TCEAL4: variants seen among roughly 807,000 people sequenced by gnomAD.
TCEAL4 encodes the protein transcription elongation factor A protein-like 4.
Under a neutral mutation model 1.3 loss-of-function variants are expected in TCEAL4, and 1 was observed. That is an observed-to-expected ratio of 0.79 (90% CI 0.28 to 3.76). The LOEUF is 3.76. TCEAL4 is among the 30% of genes most tolerant of loss of function. The pLI is 0.18. For missense variants in TCEAL4, 129 were observed against 154.7 expected, an observed-to-expected ratio of 0.83 and a Z score of 0.88; for synonymous variants, 54 against 50.7, an observed-to-expected ratio of 1.06 and a Z score of -0.28.
At position 103,586,265 on chromosome X, in the gene TCEAL4, G is replaced by A. The variant is rs2073545497; in HGVS notation, c.-54G>A. On this transcript the variant is annotated 5_prime_UTR_variant, in exon 2 of 3. Coordinates refer to ENST00000472484, the MANE Select transcript of TCEAL4 (RefSeq NM_001006935.3). ...AGCGCTCTGCGAAGCCTGAAAAGGA[G>A]GAGCAACCTGTCCAGAATCCCCGCA... 5 of 1,165,415 alleles carry A rather than the reference G, an allele frequency of 4.3e-6. No individual in the cohort carries two copies. In the South Asian group the frequency reaches 9.5e-5, roughly 22 times the overall value.
chrX:103,577,173 A>AG lies in TCEAL4; in HGVS notation c.144dup (p.Arg49AlafsTer9), dbSNP rs1471586847. On this transcript the variant is annotated frameshift_variant, in exon 2 of 5. Transcript: ENST00000372629. LOFTEE classifies it high-confidence loss of function. ...TGGAAAGGTCACATATCATATGTGGAGCGGGACATAACAACTTCGGAAATT... is the reference window on the plus strand; with the variant it reads ...TGGAAAGGTCACATATCATATGTGGAGGCGGGACATAACAACTTCGGAAATT... 2.3e-5 allele frequency: 27 copies of AG among 1,165,552 alleles called. No individual in the cohort carries two copies. The highest frequency in any genetic ancestry group is 4.6e-4 in the Middle Eastern group (2 of 4,327).
chrX:103,577,648 A>G (rs754314194), intron 2 of TCEAL4, among the ~76,000 whole-genome samples: 3 of 111,872 alleles, frequency 2.7e-5, no homozygotes, highest in Admixed American at 9.5e-5. Flanking sequence ...TGATCCATTA[A>G]TTCAAGTTCT....
chrX:103,584,588 G>A (rs2073525788), upstream of TCEAL4, among the ~76,000 whole-genome samples: 3 of 112,053 alleles, frequency 2.7e-5, no homozygotes, highest in South Asian at 1.1e-3. Flanking sequence ...GACTATAAAG[G>A]CCTTCCACAC....
upstream of TCEAL4, chrX:103,585,448 G>A: frequency 9.3e-7 from 1 of 1,079,075 alleles, no homozygotes; most frequent in Non-Finnish European, 1.2e-6. Flanking sequence ...TGGGTGGCTG[G>A]AAGCGGCTGG....
In TCEAL4 at chrX:103,587,329, C is replaced by A; in HGVS notation, c.*6C>A. The A allele has an allele frequency of 8.6e-7, 1 of 1,159,852 alleles. No individual in the cohort carries two copies. The highest frequency in any genetic ancestry group is 2.1e-5 in the South Asian group (1 of 48,163). On this transcript the variant is annotated 3_prime_UTR_variant, in exon 3 of 3. Coordinates refer to ENST00000472484, the MANE Select transcript of TCEAL4 (RefSeq NM_001006935.3). ...AAGACATTCCTTATGTGTAGTGTCC[C>A]TGGCAGGCATTTACCAGGCCATGTG...
At chrX:103,584,977 T>C (rs757790274), upstream of TCEAL4, among the ~76,000 whole-genome samples, 6 of 113,248 alleles carry the variant, frequency 5.3e-5, no homozygotes, top group Non-Finnish European at 1.9e-5. Context: ...CTTTGGCTTT[T>C]TGAGCTGCTT....
upstream of TCEAL4, among the ~76,000 whole-genome samples, chrX:103,583,661 C>A (rs2073518297): frequency 9.0e-6 from 1 of 111,508 alleles, no homozygotes; most frequent in African/African-American, 3.3e-5. Context: ...ATGATGAGAA[C>A]ACATGGACAC....
intron 1 of TCEAL4, 59 bp downstream of exon 1, chrX:103,585,683 G>A (rs2073534926): frequency 2.6e-6 from 3 of 1,162,333 alleles, no homozygotes; most frequent in Non-Finnish European, 3.4e-6. Flanking sequence ...AAGGGGAACG[G>A]GTACGGCAGG....
intron 2 of TCEAL4, among the ~76,000 whole-genome samples, chrX:103,578,375 C>T (rs1049132436): frequency 2.7e-5 from 3 of 111,836 alleles, no homozygotes; most frequent in African/African-American, 6.5e-5. Flanking sequence ...TGGATTGTTG[C>T]GTCATAAGGT....
upstream of TCEAL4, among the ~76,000 whole-genome samples, chrX:103,583,567 A>T (rs1242503403): frequency 8.9e-6 from 1 of 112,478 alleles, no homozygotes. Context: ...TTGCAGGCAC[A>T]TGGATGGAGC....
At chrX:103,577,038 C>T (rs2073486768) in intron 1 of TCEAL4, 3 of 1,135,838 alleles carry the variant, frequency 2.6e-6, no homozygotes, top group Non-Finnish European at 3.5e-6. Flanking sequence ...TTGACCTAAC[C>T]TCAAAAGTCA....
rs769211514 is a variant in TCEAL4 at position 103,585,838 on chromosome X, G to C, written c.-101+214G>C. The C allele has an allele frequency of 8.5e-4, 889 of 1,045,031 alleles. 1 individual carries two copies. Among genetic ancestry groups the C allele is most frequent in the Non-Finnish European group, 9.7e-4 (770 of 790,363 alleles). 86.1% of individuals were successfully genotyped at this position (1,045,031 alleles called of 1,213,427 possible). ...GGGTGAGGAAGGCGAGCACCCCCAAGTATCCATGCTCGCTTTCCAGGCACA... is the reference window on the plus strand; with the variant it reads ...GGGTGAGGAAGGCGAGCACCCCCAACTATCCATGCTCGCTTTCCAGGCACA... On this transcript the variant is annotated intron_variant, in intron 1 of 2. Coordinates refer to ENST00000472484, the MANE Select transcript of TCEAL4 (RefSeq NM_001006935.3).
chrX:103,586,146 C>G, intron 1 of TCEAL4, 73 bp from the exon 2 acceptor site: 3 of 1,155,054 alleles, frequency 2.6e-6, no homozygotes, highest in East Asian at 6.5e-5. Context: ...GGCCTGGACT[C>G]AGGAAAGGGA....
chrX:103,585,056 C>T (rs1366388498), upstream of TCEAL4, among the ~76,000 whole-genome samples: 3 of 112,834 alleles, frequency 2.7e-5, no homozygotes, highest in African/African-American at 9.7e-5. Flanking sequence ...CAGTTTCTCA[C>T]TTAAGATAAA....
Position 103,587,112 on chromosome X carries a change from A to G in TCEAL4, c.437A>G (p.His146Arg). Reference sequence around the variant, plus strand: ...CTCAAGGAGTATAAAGAGGCCATACATGATATGAATTTCAGCAATGAGGAC... The same window carrying G: ...CTCAAGGAGTATAAAGAGGCCATACGTGATATGAATTTCAGCAATGAGGAC... ...HYLKEYKEAI[H>R]DMNFSNEDMI... is the part of the protein sequence containing the mutation. The change falls in exon 3 of 3, where the codon CAT becomes CGT. Residue 146 changes from histidine to arginine, a missense_variant. By Grantham distance (29) the His-to-Arg change is conservative. Transcript: ENST00000472484. 8.3e-7 allele frequency: 1 copy of G among 1,211,610 alleles called. No homozygotes were observed. The highest frequency in any genetic ancestry group is 1.1e-6 in the Non-Finnish European group (1 of 895,465).
At chrX:103,586,550 G>T in intron 2 of TCEAL4, 99 bp from the exon 3 acceptor site, 1 of 1,040,252 alleles carries the variant, frequency 9.6e-7, no homozygotes, top group Non-Finnish European at 1.3e-6. Context: ...CCTCATCAGG[G>T]GTGAGATGCA....
At chrX:103,577,285 A>G in intron 2 of TCEAL4, 1 of 1,073,552 alleles carries the variant, frequency 9.3e-7, no homozygotes, top group South Asian at 2.2e-5. Context: ...AGTATGGAAC[A>G]TTTCTAATGC....
At chrX:103,581,519 C>T (rs2073507893), upstream of TCEAL4, among the ~76,000 whole-genome samples, 1 of 111,022 alleles carries the variant, frequency 9.0e-6, no homozygotes, top group South Asian at 3.9e-4. Flanking sequence ...CCAAATCCAG[C>T]AACACATCAA....
At position 103,586,635 on chromosome X, in the gene TCEAL4, C is replaced by T. The variant is rs1292155101; in HGVS notation, c.-27-14C>T. The stretch of plus-strand genomic sequence containing the variant: ...TCCTCTTTGTCTCCTCTTTCCTCCA[C>T]CCCCATCCCCCAGGACAGGAAAAGG... On this transcript the variant is annotated splice_polypyrimidine_tract_variant and intron_variant, in intron 2 of 2. Transcript: ENST00000472484. 4.2e-6 allele frequency: 5 copies of T among 1,196,176 alleles called. No homozygotes were observed. Among genetic ancestry groups the T allele is most frequent in the Non-Finnish European group, 5.6e-6 (5 of 889,602 alleles).
Sources: allele counts gnomAD v4.1 joint callset (sites outside exome capture counted in the v4.1 genomes callset), GRCh38; gene constraint gnomAD v4.1.1; transcripts MANE v1.5; gene names NCBI Gene and HGNC (gene_info 2026-07-23, HGNC 2026-07-21).